Variants in ELMO1 observed in about 807,000 individuals in gnomAD.
ELMO1 encodes engulfment and cell motility protein 1.
Under a neutral mutation model 98.9 loss-of-function variants are expected in ELMO1, and 26 were observed. That is an observed-to-expected ratio of 0.26 (90% confidence interval 0.19 to 0.36). The LOEUF (loss-of-function observed/expected upper bound fraction) is 0.36, where lower values mean the gene tolerates loss of function less well. ELMO1 is among the 10% of genes least tolerant of loss of function. The pLI is 1.00. For synonymous variants in ELMO1, 346 were observed against 346.0 expected, an observed-to-expected ratio of 1.00 and a Z score of 0.00; for missense variants, 627 against 935.2, an observed-to-expected ratio of 0.67 and a Z score of 4.30.
chr7:37,192,692 G>C (rs1489868807), intron 13 of ELMO1, among the ~76,000 whole-genome samples: 1 of 149,294 alleles, frequency 6.7e-6, no homozygotes. Context: ...CAGCTACTCA[G>C]AAGGCTAAGG....
At chr7:37,259,883 C>T (rs1440416806) in intron 5 of ELMO1, among the ~76,000 whole-genome samples, 1 of 152,170 alleles carries the variant, frequency 6.6e-6, no homozygotes. Flanking sequence ...CACTCCACAA[C>T]GATGCTTGTA....
At chr7:37,256,302 C>T (rs1795637803) in intron 6 of ELMO1, among the ~76,000 whole-genome samples, 1 of 152,068 alleles carries the variant, frequency 6.6e-6, no homozygotes, top group Non-Finnish European at 1.5e-5. Context: ...TGACCCTTTC[C>T]CGATCACCCA....
At chr7:37,213,240 C>G in intron 12 of ELMO1, 95 bp downstream of exon 12, 1 of 1,483,544 alleles carries the variant, frequency 6.7e-7, no homozygotes, top group Non-Finnish European at 9.1e-7. Flanking sequence ...ATATCAAACT[C>G]TGAAACTCCC....
At position 37,150,440 on chromosome 7, in the gene ELMO1, T is replaced by TAA. The variant is rs10652093; in HGVS notation, c.1087-17208_1087-17207dup. Among the ~76,000 whole-genome samples the TAA allele has an allele frequency of 5.4e-3, 787 of 146,850 alleles. 2 individuals are homozygous for TAA. Among genetic ancestry groups the TAA allele is most frequent in the African/African-American group, 0.016 (639 of 39,956 alleles). ...GAGTCCACGTACTTAACTACTACAC[T>TAA]AAAAAAAAAAAAATTGTTAACTACA... On this transcript the variant is annotated intron_variant, in intron 13 of 21. Coordinates refer to ENST00000310758, the MANE Select transcript of ELMO1 (RefSeq NM_014800.11).
intron 4 of ELMO1, among the ~76,000 whole-genome samples, chr7:37,293,022 CCG>C (rs2130969390): frequency 1.8e-5 from 1 of 56,574 alleles, no homozygotes; most frequent in Non-Finnish European, 4.1e-5. Context: ...GCCCAGCCAG[CCG>C]CCCCGTCCGG....
intron 1 of ELMO1, among the ~76,000 whole-genome samples, chr7:37,433,852 G>A (rs897233508): frequency 2.0e-5 from 3 of 152,118 alleles, no homozygotes; most frequent in Admixed American, 2.0e-4. Context: ...GGCAAAATAA[G>A]TAAAATCTAC....
At chr7:37,022,320 C>G (rs1279700770) in intron 15 of ELMO1, among the ~76,000 whole-genome samples, 1 of 152,116 alleles carries the variant, frequency 6.6e-6, no homozygotes, top group Non-Finnish European at 1.5e-5. Context: ...AGAGAAAAAA[C>G]TTCAACATTA....
In ELMO1 at chr7:37,222,697, T is replaced by C; in HGVS notation, c.702-4A>G. 2 of 1,613,082 alleles carry C rather than the reference T, an allele frequency of 1.2e-6. No individual in the cohort carries two copies. The highest frequency in any genetic ancestry group is 2.7e-5 in the African/African-American group (2 of 74,958). The stretch of plus-strand genomic sequence containing the variant: ...GGTTTGGATTTCTTGATCTGACCTG[T>C]AAAGATAGAGAACAATTCAGAAAAT... On this transcript the variant is annotated splice_polypyrimidine_tract_variant and splice_region_variant and intron_variant, in intron 9 of 21. Transcript: ENST00000310758.
chr7:37,040,741 G>T (rs1175496078), intron 15 of ELMO1, among the ~76,000 whole-genome samples: 1 of 152,148 alleles, frequency 6.6e-6, no homozygotes, highest in Non-Finnish European at 1.5e-5. Context: ...AGCAGCAAAT[G>T]TGCCTCCCTT....
At chr7:37,285,987 TAC>T (rs1797374438) in intron 4 of ELMO1, among the ~76,000 whole-genome samples, 1 of 150,396 alleles carries the variant, frequency 6.6e-6, no homozygotes, top group Admixed American at 6.6e-5. Context: ...CACAAAGTGC[TAC>T]AGAGACAAGA....
intron 4 of ELMO1, among the ~76,000 whole-genome samples, chr7:37,295,365 G>C (rs1296712686): frequency 1.3e-5 from 2 of 152,092 alleles, no homozygotes; most frequent in African/African-American, 4.8e-5. Context: ...ATTTTTTGTA[G>C]TTTTTTGATA....
chr7:37,023,740 C>T (rs1794411910), intron 15 of ELMO1, among the ~76,000 whole-genome samples: 1 of 152,092 alleles, frequency 6.6e-6, no homozygotes, highest in African/African-American at 2.4e-5. Flanking sequence ...GCCACCAAGC[C>T]TGGCTAATTT....
At chr7:37,322,748 A>AGCCGAGATAGTACCACCGT (rs1799588701) in intron 2 of ELMO1, among the ~76,000 whole-genome samples, 1 of 152,040 alleles carries the variant, frequency 6.6e-6, no homozygotes, top group Non-Finnish European at 1.5e-5. Context: ...GGTCGCAGTG[A>AGCCGAGATAGTACCACCGT]GCCGAGATAG....
At chr7:37,431,326 G>C (rs56321522) in intron 1 of ELMO1, among the ~76,000 whole-genome samples, 1 of 139,786 alleles carries the variant, frequency 7.2e-6, no homozygotes, top group African/African-American at 2.6e-5. Flanking sequence ...GACAGAGCAA[G>C]ACCCTGTCTC....
At position 37,054,271 on chromosome 7, in the gene ELMO1, T is replaced by C. The variant is rs139810055; in HGVS notation, c.1301-40836A>G. Among the ~76,000 whole-genome samples the C allele has an allele frequency of 1.7e-3, 260 of 152,336 alleles. 5 individuals are homozygous for C. Among genetic ancestry groups the C allele is most frequent in the African/African-American group, 5.9e-3 (247 of 41,568 alleles). On this transcript the variant is annotated intron_variant, in intron 15 of 21. Coordinates refer to ENST00000310758, the MANE Select transcript of ELMO1 (RefSeq NM_014800.11). ...CATCAAAACCTAGTCTTTTCCAAAATCCATTTAAAAATGTCAGTGGCAAGT... is the reference window on the plus strand; with the variant it reads ...CATCAAAACCTAGTCTTTTCCAAAACCCATTTAAAAATGTCAGTGGCAAGT...
chr7:37,147,278 C>A (rs1479307775), intron 13 of ELMO1, among the ~76,000 whole-genome samples: 4 of 152,016 alleles, frequency 2.6e-5, no homozygotes, highest in Non-Finnish European at 5.9e-5. Context: ...GATTCTAAGC[C>A]CCCTGGATTC....
intron 2 of ELMO1, among the ~76,000 whole-genome samples, chr7:37,319,838 G>T (rs1192485253): frequency 3.3e-5 from 5 of 152,066 alleles, no homozygotes; most frequent in African/African-American, 1.2e-4. Context: ...CCCATCACCA[G>T]GTCCCTGCAG....
At chr7:37,098,740 A>G (rs1784489277) in intron 14 of ELMO1, among the ~76,000 whole-genome samples, 1 of 152,232 alleles carries the variant, frequency 6.6e-6, no homozygotes, top group Non-Finnish European at 1.5e-5. Flanking sequence ...AATAAGTTCC[A>G]TTAATCAGTG....
chr7:37,122,419 T>A (rs951359855), intron 14 of ELMO1, among the ~76,000 whole-genome samples: 7 of 151,358 alleles, frequency 4.6e-5, no homozygotes, highest in African/African-American at 1.7e-4. Context: ...ACACACACAC[T>A]CAAAATAAAG....
Sources: allele counts gnomAD v4.1 joint callset (sites outside exome capture counted in the v4.1 genomes callset), GRCh38; gene constraint gnomAD v4.1.1; transcripts MANE v1.5; gene names NCBI Gene and HGNC (gene_info 2026-07-23, HGNC 2026-07-21).